Variants in CAMTA1 observed in about 807,000 individuals in gnomAD.
The protein encoded by CAMTA1 is calmodulin binding transcription activator 1.
In CAMTA1, 27 loss-of-function variants were observed where a neutral mutation model predicts 170.9. That is an observed-to-expected ratio of 0.16 (90% CI 0.12 to 0.22). The LOEUF is 0.22. CAMTA1 is among the 10% of genes least tolerant of loss of function. The pLI is 1.00. For synonymous variants in CAMTA1, 833 were observed against 891.5 expected, an observed-to-expected ratio of 0.93 and a Z score of 1.17; for missense variants, 1,619 against 2,217.2, an observed-to-expected ratio of 0.73 and a Z score of 5.42.
intron 5 of CAMTA1, among the ~76,000 whole-genome samples, chr1:7,344,173 C>CT (rs2084048809): frequency 6.6e-6 from 1 of 152,240 alleles, no homozygotes; most frequent in Non-Finnish European, 1.5e-5. Flanking sequence ...TGATTGAGGG[C>CT]TGGACCCTTG....
chr1:6,887,898 C>G lies in CAMTA1; in HGVS notation c.234+62688C>G. 7 of 1,379,884 alleles carry G rather than the reference C, an allele frequency of 5.1e-6. No homozygotes were observed. Among genetic ancestry groups the G allele is most frequent in the Non-Finnish European group, 6.6e-6 (7 of 1,064,506 alleles). The allele number at this position is 1,379,884 out of a possible 1,614,324, so 85.5% of individuals were successfully genotyped here. The stretch of plus-strand genomic sequence containing the variant: ...AGAATAAAGTGACCTACTCTTGCCT[C>G]ATCCGGAGTTATTACGAAGGAGCTC... On this transcript the variant is annotated intron_variant, in intron 3 of 22. Transcript: ENST00000303635. The surrounding 1 kb of genome is among the most constrained non-coding windows in gnomAD (Gnocchi z 4.1).
intron 3 of CAMTA1, among the ~76,000 whole-genome samples, chr1:6,897,593 G>A (rs1456458681): frequency 2.6e-5 from 4 of 152,232 alleles, no homozygotes; most frequent in East Asian, 1.9e-4. Context: ...CTACCTGGTC[G>A]GTACTCCTGG....
intron 4 of CAMTA1, among the ~76,000 whole-genome samples, chr1:7,198,306 T>G (rs1175791511): frequency 1.3e-5 from 2 of 152,020 alleles, no homozygotes; most frequent in Non-Finnish European, 2.9e-5. Context: ...CACCACAGTT[T>G]GCAGCTTAGG....
At chr1:6,926,777 C>T (rs1294338670) in intron 3 of CAMTA1, among the ~76,000 whole-genome samples, 2 of 150,550 alleles carry the variant, frequency 1.3e-5, no homozygotes, top group African/African-American at 4.9e-5. Context: ...GTCACCCAGG[C>T]TGGAGTGCAT....
rs2093136879 is a variant in CAMTA1 at position 7,463,382 on chromosome 1, G to A, written c.439-4448G>A. ...AGAAAGATGGAGAGAGATAGCAGGA[G>A]AGACAGAGACAGATACAGAAACGGA... On this transcript the variant is annotated intron_variant, in intron 5 of 22. Transcript: ENST00000303635. The surrounding 1 kb of genome is among the most constrained non-coding windows in gnomAD (Gnocchi z 4.7). Among the ~76,000 whole-genome samples, 1 of 151,834 alleles carries A rather than the reference G, an allele frequency of 6.6e-6. No homozygotes were observed. Among genetic ancestry groups the A allele is most frequent in the South Asian group, 2.1e-4 (1 of 4,754 alleles).
intron 4 of CAMTA1, among the ~76,000 whole-genome samples, chr1:7,225,210 G>A (rs184921821): frequency 2.7e-4 from 41 of 152,126 alleles, no homozygotes; most frequent in African/African-American, 8.2e-4. Flanking sequence ...TCAGCCTCCC[G>A]AGTAGCTGGG....
intron 10 of CAMTA1, 83 bp from the exon 11 acceptor site, chr1:7,677,515 AG>A: frequency 1.4e-6 from 2 of 1,443,132 alleles, no homozygotes; most frequent in Non-Finnish European, 1.9e-6. Flanking sequence ...GGTAGTGGGG[AG>A]GGGACATTCC....
rs546643903 is a variant in CAMTA1, at chr1:7,685,003, C to T, written c.2914+7270C>T. 2.0e-5 allele frequency among the ~76,000 whole-genome samples: 3 copies of T among 152,200 alleles called. No individual in the cohort carries two copies. The highest frequency in any genetic ancestry group is 4.4e-5 in the Non-Finnish European group (3 of 68,010). Reference sequence around the variant, plus strand: ...TTAGGCTCCGGGGACTCCGCGGTGTCGGGGAGTTCACAGGCACCGTCCCGC... The same window carrying T: ...TTAGGCTCCGGGGACTCCGCGGTGTTGGGGAGTTCACAGGCACCGTCCCGC... On this transcript the variant is annotated intron_variant, in intron 11 of 22. Transcript: ENST00000303635. This position sits in a 1 kb window ranked among gnomAD's most constrained non-coding sequence, Gnocchi z 5.7.
intron 5 of CAMTA1, among the ~76,000 whole-genome samples, chr1:7,392,258 C>CTTTTTTT (rs3034862): frequency 7.4e-6 from 1 of 135,914 alleles, no homozygotes; most frequent in African/African-American, 2.7e-5. Context: ...AGACCCCCAT[C>CTTTTTTT]TTTTTTTTTT....
intron 3 of CAMTA1, among the ~76,000 whole-genome samples, chr1:7,042,241 G>A (rs1337027769): frequency 6.6e-6 from 1 of 152,174 alleles, no homozygotes; most frequent in East Asian, 1.9e-4. Context: ...GACTCCCAAA[G>A]CAGATGCTGC....
chr1:7,752,324 T>C, intron 20 of CAMTA1, 135 bp from the exon 21 acceptor site: 1 of 736,874 alleles, frequency 1.4e-6, no homozygotes, highest in South Asian at 1.6e-5. Context: ...CTTCAGATTG[T>C]ATACATCTTT....
intron 5 of CAMTA1, among the ~76,000 whole-genome samples, chr1:7,279,518 C>T (rs1671207141): frequency 6.6e-6 from 1 of 152,144 alleles, no homozygotes; most frequent in African/African-American, 2.4e-5. Context: ...GCCGCAGCCA[C>T]CTTCTCGGCA....
chr1:7,698,079 C>T (rs1035055878), intron 11 of CAMTA1, among the ~76,000 whole-genome samples: 4 of 139,214 alleles, frequency 2.9e-5, no homozygotes, highest in Middle Eastern at 3.8e-3. Context: ...CTGTGACCCC[C>T]CCCCCCCCCA....
chr1:6,819,578 T>C (rs545728463), intron 1 of CAMTA1, among the ~76,000 whole-genome samples: 3 of 152,350 alleles, frequency 2.0e-5, no homozygotes, highest in South Asian at 4.1e-4. Flanking sequence ...ATTTCCTCTA[T>C]GTACAGCACA....
At chr1:7,653,793 C>T (rs1287969367) in intron 7 of CAMTA1, among the ~76,000 whole-genome samples, 1 of 152,102 alleles carries the variant, frequency 6.6e-6, no homozygotes, top group Non-Finnish European at 1.5e-5. Flanking sequence ...CTACTATGTG[C>T]CAGGCATTGT....
rs889742260 is a variant in CAMTA1 at position 7,562,742 on chromosome 1, G to A, written c.511-77658G>A. ...GGGTCTGATATTTCCCGCATCTGCC[G>A]TTAACCCTCGCCAGGCCAGCAGTAG... is the stretch of plus-strand genomic sequence containing the variant. On this transcript the variant is annotated intron_variant, in intron 6 of 22. Coordinates refer to ENST00000303635, the MANE Select transcript of CAMTA1 (RefSeq NM_015215.4). This position sits in a 1 kb window ranked among gnomAD's most constrained non-coding sequence, Gnocchi z 4.8. Among the ~76,000 whole-genome samples the A allele has an allele frequency of 1.3e-5, 2 of 152,152 alleles. No homozygotes were observed. The highest frequency in any genetic ancestry group is 6.5e-5 in the Admixed American group (1 of 15,276).
intron 5 of CAMTA1, among the ~76,000 whole-genome samples, chr1:7,319,290 T>C (rs1677997705): frequency 6.6e-6 from 1 of 152,066 alleles, no homozygotes; most frequent in East Asian, 1.9e-4. Flanking sequence ...ATCCCCAGTG[T>C]TGGAGAGGGG....
At chr1:7,100,679 C>T (rs1450930044) in intron 4 of CAMTA1, among the ~76,000 whole-genome samples, 4 of 152,188 alleles carry the variant, frequency 2.6e-5, no homozygotes, top group Non-Finnish European at 5.9e-5. Context: ...CACCAAGCCC[C>T]GGCGCTGGCC....
intron 3 of CAMTA1, among the ~76,000 whole-genome samples, chr1:6,951,205 C>T (rs1466099205): frequency 6.6e-6 from 1 of 152,180 alleles, no homozygotes. Flanking sequence ...ACAGTTAAAA[C>T]AGGAGTCTGA....
Sources: gnomAD v4.1 joint callset for allele counts (sites outside exome capture counted in the v4.1 genomes callset) on GRCh38, gnomAD v4.1.1 for gene constraint, Gnocchi (gnomAD v3.1) non-coding constraint, MANE v1.5 for transcripts, NCBI Gene and HGNC (gene_info 2026-07-23, HGNC 2026-07-21) for gene names.